Variants in LAD1 observed in about 807,000 individuals in gnomAD.
LAD1 encodes the protein ladinin-1.
In LAD1, 53 loss-of-function variants were observed where a neutral mutation model predicts 54.2. The ratio of observed to expected loss-of-function variants is 0.98; its 90% confidence interval spans 0.78 to 1.23. The LOEUF is 1.23. LAD1 is among the 50% of genes most tolerant of loss of function. The pLI is 0.00. For missense variants in LAD1, 637 were observed against 653.3 expected, an observed-to-expected ratio of 0.98 and a Z score of 0.27; for synonymous variants, 231 against 257.7, an observed-to-expected ratio of 0.90 and a Z score of 0.99.
At chr1:201,386,247 G>T in intron 3 of LAD1, 88 bp downstream of exon 3, 1 of 1,289,110 alleles carries the variant, frequency 7.8e-7, no homozygotes. Context: ...GAGGCAGCCA[G>T]GGAACCAGGG....
Position 201,399,254 on chromosome 1 carries a change from C to A in LAD1, c.38+15G>T. ...CGCCGACCCCCCGCCCCTCCCGGCT[C>A]CCTCCGGCGCTCACCTGGACAGCGC... On this transcript the variant is annotated intron_variant, in intron 1 of 9. Coordinates refer to ENST00000391967, the MANE Select transcript of LAD1 (RefSeq NM_005558.4). 1 of 1,552,464 alleles carries A rather than the reference C, an allele frequency of 6.4e-7. No homozygotes were observed. The highest frequency in any genetic ancestry group is 8.7e-7 in the Non-Finnish European group (1 of 1,155,508).
At position 201,387,168 on chromosome 1, in the gene LAD1, C is replaced by T. The variant is rs779029242; in HGVS notation, c.193G>A (p.Val65Met). The change falls in exon 3 of 10, where the codon GTG becomes ATG. Residue 65 changes from valine to methionine, a missense_variant. Transcript: ENST00000391967. ...GGCTTGGGCACCTCTGCTTCTTCCA[C>T]GCTCGGTAGTCTGAATCAGAAGATG... ...QASASERLPS[V>M]EEAEVPKPLP... 1.5e-5 allele frequency: 22 copies of T among 1,511,536 alleles called. No individual in the cohort carries two copies. The highest frequency in any genetic ancestry group is 2.7e-5 in the South Asian group (2 of 72,860). The allele number at this position is 1,511,536 out of a possible 1,614,324, so 93.6% of individuals were successfully genotyped here. A position where few individuals can be genotyped will look rare whatever the true frequency, so the allele number is the denominator to read the frequency against.
Position 201,387,065 on chromosome 1 carries a change from C to G in LAD1, c.296G>C (p.Arg99Pro), listed in dbSNP as rs34525025. ...GGCCTGTGCAGCCTCCACCACCTGC[C>G]GCCTCTGCCTCCGCTCCTGCCGTGT... ...LRTRQERRQR[R>P]QVVEAAQAPI... is the part of the protein sequence containing the mutation. Residue 99 changes from arginine (R) to proline (P), a missense_variant, in exon 3 of 10, where the codon CGG (arginine) becomes CCG (proline). By Grantham distance (103) the Arg-to-Pro change is moderately radical. Coordinates refer to ENST00000391967, the MANE Select transcript of LAD1 (RefSeq NM_005558.4). The G allele has an allele frequency of 6.2e-7, 1 of 1,611,906 alleles. No individual in the cohort carries two copies.
rs754103908 is a variant in LAD1 at position 201,387,614 on chromosome 1, C to T, written c.183-436G>A. ...AGCTGGGAGCAGAACCTAAGTCTTC[C>T]GATGCACCATTCCACACTCCTGTCA... is the stretch of plus-strand genomic sequence containing the variant. On this transcript the variant is annotated intron_variant, in intron 2 of 9. Transcript: ENST00000391967. Among the ~76,000 whole-genome samples the T allele has an allele frequency of 3.9e-4, 60 of 152,282 alleles. 2 individuals carry two copies. Among genetic ancestry groups the T allele is most frequent in the African/African-American group, 1.4e-3 (58 of 41,558 alleles).
intron 1 of LAD1, among the ~76,000 whole-genome samples, chr1:201,390,844 C>T (rs1662185797): frequency 6.6e-6 from 1 of 152,140 alleles, no homozygotes; most frequent in Non-Finnish European, 1.5e-5. Flanking sequence ...TACTCTGGAC[C>T]CCGGGATGAG....
At chr1:201,385,430 G>A (rs887748679) in intron 4 of LAD1, among the ~76,000 whole-genome samples, 1 of 152,174 alleles carries the variant, frequency 6.6e-6, no homozygotes, top group African/African-American at 2.4e-5. Context: ...GCAGCCCAGG[G>A]CCAGCCCTGC....
chr1:201,389,238 C>T lies in LAD1; in HGVS notation c.104G>A (p.Arg35His), dbSNP rs754957644. 24 of 1,614,000 alleles carry T rather than the reference C, an allele frequency of 1.5e-5. No homozygotes were observed. The highest frequency in any genetic ancestry group is 8.9e-5 in the East Asian group (4 of 44,892). Reference protein sequence around the residue: ...EQERERRRRHRNLSSTTDDEA... With the variant: ...EQERERRRRHHNLSSTTDDEA... ...ATCGTCCGTGGTGGAGCTCAGGTTG[C>T]GGTGCCGCCGCCTGCGCTCGCGCTC... Residue 35 changes from arginine to histidine, a missense_variant, in exon 2 of 10, where the codon CGC becomes CAC. Transcript: ENST00000391967.
chr1:201,388,683 A>G (rs1416730476), intron 2 of LAD1, among the ~76,000 whole-genome samples: 2 of 148,098 alleles, frequency 1.4e-5, no homozygotes, highest in Non-Finnish European at 3.0e-5. Context: ...CTTCGTCTCA[A>G]AAAAAAAAAA....
chr1:201,383,931 C>T (rs1662022613), intron 5 of LAD1, among the ~76,000 whole-genome samples: 10 of 152,202 alleles, frequency 6.6e-5, no homozygotes. Flanking sequence ...ATTTAAAATG[C>T]TATTCCTCCA....
At chr1:201,383,564 C>T in intron 5 of LAD1, 175 bp from the exon 6 acceptor site, 1 of 656,252 alleles carries the variant, frequency 1.5e-6, no homozygotes, top group Non-Finnish European at 2.8e-6. Context: ...CTTACAGACG[C>T]CAGGGATTTC....
chr1:201,390,582 A>G (rs1053020866), intron 1 of LAD1, among the ~76,000 whole-genome samples: 2 of 152,166 alleles, frequency 1.3e-5, no homozygotes, highest in African/African-American at 2.4e-5. Context: ...ACGTCTATCA[A>G]ATTCCTAGTA....
intron 1 of LAD1, among the ~76,000 whole-genome samples, chr1:201,392,364 G>T (rs936411032): frequency 6.6e-6 from 1 of 152,222 alleles, no homozygotes; most frequent in Non-Finnish European, 1.5e-5. Flanking sequence ...CCAGCATGGG[G>T]GAGTCAGACC....
At chr1:201,387,218 T>C (rs974252866) in intron 2 of LAD1, 40 bp from the exon 3 acceptor site, 2 of 1,472,018 alleles carry the variant, frequency 1.4e-6, no homozygotes, top group African/African-American at 2.8e-5. Context: ...AGGATAGAGG[T>C]GGAAGATACC....
At position 201,389,088 on chromosome 1, in the gene LAD1, C is replaced by T. The variant is rs768156549; in HGVS notation, c.182+72G>A. On this transcript the variant is annotated intron_variant, in intron 2 of 9. Transcript: ENST00000391967. ...CCTGGGCCCCAACTCCCTGAGCAGA[C>T]TGAATATGCTGCACTTAGTCTGAGG... 121 of 1,537,148 alleles carry T rather than the reference C, an allele frequency of 7.9e-5. 1 individual carries two copies. The South Asian group carries it at 1.3e-3, about 17-fold the overall frequency.
intron 1 of LAD1, among the ~76,000 whole-genome samples, chr1:201,398,880 G>C (rs1410471895): frequency 6.6e-6 from 1 of 152,160 alleles, no homozygotes; most frequent in African/African-American, 2.4e-5. Flanking sequence ...GGTCCTCTCC[G>C]CCAGAGACAC....
Position 201,386,941 on chromosome 1 carries a change from G to C in LAD1, c.420C>G (p.Ile140Met). Residue 140 changes from isoleucine (I) to methionine (M), a missense_variant, in exon 3 of 10, where the codon ATC becomes ATG. Transcript: ENST00000391967. ...KPLVSKKELE[I>M]PPRRRLSREQ... Reference sequence around the variant, plus strand: ...CCCGACTCAGTCTCCGGCGAGGTGGGATTTCCAGTTCCTTCTTGGAGACTA... The same window carrying C: ...CCCGACTCAGTCTCCGGCGAGGTGGCATTTCCAGTTCCTTCTTGGAGACTA... 1.2e-6 allele frequency: 2 copies of C among 1,611,978 alleles called. No homozygotes were observed. Among genetic ancestry groups the C allele is most frequent in the Non-Finnish European group, 1.7e-6 (2 of 1,179,482 alleles).
Position 201,399,319 on chromosome 1 carries a change from C to A in LAD1, c.-13G>T. On this transcript the variant is annotated 5_prime_UTR_variant, in exon 1 of 10. Coordinates refer to ENST00000391967, the MANE Select transcript of LAD1 (RefSeq NM_005558.4). ...TGCTGACAGCCATGCTGCAGGAGCCCCGCGTGGCCGCCCGCGCCCCGCCGG... is the reference window on the plus strand; with the variant it reads ...TGCTGACAGCCATGCTGCAGGAGCCACGCGTGGCCGCCCGCGCCCCGCCGG... 1 of 1,532,732 alleles carries A rather than the reference C, an allele frequency of 6.5e-7. No individual in the cohort carries two copies. Among genetic ancestry groups the A allele is most frequent in the Non-Finnish European group, 8.8e-7 (1 of 1,142,524 alleles). 94.9% of individuals were successfully genotyped at this position (1,532,732 alleles called of 1,614,324 possible).
intron 8 of LAD1, 140 bp downstream of exon 8, chr1:201,382,513 T>C: frequency 1.3e-6 from 1 of 781,464 alleles, no homozygotes; most frequent in Non-Finnish European, 2.1e-6. Context: ...CTGCCTCCAC[T>C]CCTGAAATGA....
chr1:201,382,877 C>T (rs1292703729), intron 7 of LAD1, 138 bp from the exon 8 acceptor site: 2 of 965,830 alleles, frequency 2.1e-6, no homozygotes, highest in East Asian at 2.4e-5. Flanking sequence ...GGGACAGCCC[C>T]CTCCCCTTCC....
Sources: gnomAD v4.1 joint callset for allele counts (sites outside exome capture counted in the v4.1 genomes callset) on GRCh38, gnomAD v4.1.1 for gene constraint, MANE v1.5 for transcripts, NCBI Gene and HGNC (gene_info 2026-07-23, HGNC 2026-07-21) for gene names.